The following PI4KA variants were observed in gnomAD, a reference collection of about 807,000 sequenced individuals.
PI4KA encodes the protein phosphatidylinositol 4-kinase alpha.
In PI4KA, 122 loss-of-function variants were observed where a neutral mutation model predicts 271.4. That is an observed-to-expected ratio of 0.45 (90% confidence interval 0.39 to 0.52). PI4KA has a LOEUF of 0.52. Among genes scored for constraint, PI4KA ranks in the 20% least tolerant of loss-of-function variants. PI4KA has a pLI of 0.00. For synonymous variants in PI4KA, 1,041 were observed against 1,078.8 expected (o/e 0.96, Z 0.69); for missense variants, 1,969 against 2,769.1 (o/e 0.71, Z 6.48).
At chr22:20,770,587 C>CGG (rs1569011751) in intron 19 of PI4KA, among the ~76,000 whole-genome samples, 1 of 71,248 alleles carries the variant, frequency 1.4e-5, no homozygotes, top group Non-Finnish European at 2.7e-5. Context: ...CGGACACACA[C>CGG]ACACACACAC....
intron 22 of PI4KA, 36 bp downstream of exon 22, chr22:20,764,781 G>T: frequency 1.9e-6 from 3 of 1,559,710 alleles, no homozygotes; most frequent in Non-Finnish European, 2.6e-6. Flanking sequence ...GCTCAAATGT[G>T]GATGTGCATG....
intron 36 of PI4KA, among the ~76,000 whole-genome samples, chr22:20,731,651 C>T (rs1408355751): frequency 4.6e-5 from 7 of 152,258 alleles, no homozygotes; most frequent in South Asian, 4.1e-4. Context: ...AAAAATTGGC[C>T]GGGCACGGTG....
At chr22:20,730,820 T>C (rs897076302) in intron 36 of PI4KA, among the ~76,000 whole-genome samples, 1 of 152,108 alleles carries the variant, frequency 6.6e-6, no homozygotes, top group African/African-American at 2.4e-5. Context: ...TCCACCTGCC[T>C]TGGCCTCCCA....
At chr22:20,746,415 C>T (rs761948826) in intron 29 of PI4KA, among the ~76,000 whole-genome samples, 36 of 152,284 alleles carry the variant, frequency 2.4e-4, no homozygotes, top group South Asian at 2.1e-3. Context: ...ACCTAACTTA[C>T]ATCAAATTTT....
intron 19 of PI4KA, among the ~76,000 whole-genome samples, chr22:20,767,443 CAA>C (rs544560327): frequency 3.0e-5 from 4 of 133,022 alleles, no homozygotes; most frequent in African/African-American, 2.7e-5. Context: ...GACTCTGTCT[CAA>C]AAAAAAAAAA....
intron 14 of PI4KA, among the ~76,000 whole-genome samples, chr22:20,800,102 T>G (rs361556): frequency 0.5 from 75,135 of 151,584 alleles, 19,145 homozygotes; most frequent in African/African-American, 0.6. Flanking sequence ...CAAGATAGCA[T>G]AGTAAACATC....
chr22:20,730,033 A>T (rs199676673), intron 36 of PI4KA, 22 bp from the exon 37 acceptor site: 54 of 1,612,208 alleles, frequency 3.3e-5, no homozygotes, highest in Non-Finnish European at 6.8e-6. Context: ...CACATTGTTG[A>T]TTCTAGAGTG....
chr22:20,773,511 C>T (rs1362956047), intron 19 of PI4KA, among the ~76,000 whole-genome samples: 2 of 152,224 alleles, frequency 1.3e-5, no homozygotes, highest in Non-Finnish European at 2.9e-5. Context: ...CTATCTGTCC[C>T]ACAACAGACA....
intron 32 of PI4KA, among the ~76,000 whole-genome samples, chr22:20,734,852 T>C (rs1466855553): frequency 6.6e-6 from 1 of 152,048 alleles, no homozygotes; most frequent in African/African-American, 2.4e-5. Flanking sequence ...TGACAGGCAC[T>C]GGGTAGGTGA....
Position 20,729,293 on chromosome 22 carries a change from T to G in PI4KA, c.4682+20A>C, listed in dbSNP as rs1927723329. On this transcript the variant is annotated intron_variant, in intron 39 of 54. Coordinates refer to ENST00000255882, the MANE Select transcript of PI4KA (RefSeq NM_058004.4). Reference sequence around the variant, plus strand: ...ACCTCTGGTGAGGCCTGTGTCAGGCTGTGGTGCCCGGGGGCCCACCTGGCA... The same window carrying G: ...ACCTCTGGTGAGGCCTGTGTCAGGCGGTGGTGCCCGGGGGCCCACCTGGCA... 4 of 1,605,744 alleles carry G rather than the reference T, an allele frequency of 2.5e-6. No homozygotes were observed. Among genetic ancestry groups the G allele is most frequent in the Non-Finnish European group, 3.4e-6 (4 of 1,175,720 alleles).
At chr22:20,847,976 G>A (rs1293963778) in intron 1 of PI4KA, among the ~76,000 whole-genome samples, 1 of 152,044 alleles carries the variant, frequency 6.6e-6, no homozygotes, top group African/African-American at 2.4e-5. Flanking sequence ...AGTGGCTCAC[G>A]CCTATAATCC....
At chr22:20,851,185 C>A (rs1926922728) in intron 1 of PI4KA, among the ~76,000 whole-genome samples, 1 of 102,164 alleles carries the variant, frequency 9.8e-6, no homozygotes. Flanking sequence ...CACAGTGAGA[C>A]CCTATCTATT....
chr22:20,726,552 G>T lies in PI4KA; in HGVS notation c.4942-11C>A. On this transcript the variant is annotated splice_polypyrimidine_tract_variant and intron_variant, in intron 41 of 54. Coordinates refer to ENST00000255882, the MANE Select transcript of PI4KA (RefSeq NM_058004.4). ...GAAGAGGATGGCGTCCTGTGGAGGT[G>T]GAGCAGAGTTGGCCATGACTTCTGA... 6.3e-7 allele frequency: 1 copy of T among 1,585,212 alleles called. No individual in the cohort carries two copies. Among genetic ancestry groups the T allele is most frequent in the South Asian group, 1.2e-5 (1 of 85,906 alleles).
At position 20,729,415 on chromosome 22, in the gene PI4KA, T is replaced by G. The variant is rs141277380; in HGVS notation, c.4580A>C (p.Asn1527Thr). 70 of 1,613,718 alleles carry G rather than the reference T, an allele frequency of 4.3e-5. No individual in the cohort carries two copies. Among genetic ancestry groups the G allele is most frequent in the Non-Finnish European group, 5.8e-5 (68 of 1,179,854 alleles). Residue 1527 changes from asparagine to threonine, a missense_variant, in exon 39 of 55, where the codon AAC (asparagine) becomes ACC (threonine). Asn to Thr is a moderately conservative substitution (Grantham distance 65). This residue lies in a region of PI4KA where 388 missense variants were observed against 521.5 expected (regional missense o/e 0.74). Coordinates refer to ENST00000255882, the MANE Select transcript of PI4KA (RefSeq NM_058004.4). ...CAGGCTGATGTACTTAGATCTCCAG[T>G]TGGCCACGCTGTTCTCTCCGGCCTG... is the stretch of plus-strand genomic sequence containing the variant. ...LDQAGENSVANWRSKYISLSE... is the reference protein window; with the variant it reads ...LDQAGENSVATWRSKYISLSE...
At chr22:20,727,485 T>C in intron 40 of PI4KA, 88 bp from the exon 41 acceptor site, 4 of 1,232,576 alleles carry the variant, frequency 3.2e-6, no homozygotes, top group Non-Finnish European at 3.3e-6. Flanking sequence ...AGGACGGCCA[T>C]GAGAAGTGAT....
chr22:20,830,324 C>T (rs137972191), intron 3 of PI4KA, among the ~76,000 whole-genome samples: 61 of 148,276 alleles, frequency 4.1e-4, no homozygotes, highest in African/African-American at 1.4e-3. Flanking sequence ...CTTCCGTGTT[C>T]GATATGTATA....
At chr22:20,854,717 GAA>G (rs1374511542) in intron 1 of PI4KA, among the ~76,000 whole-genome samples, 1 of 151,968 alleles carries the variant, frequency 6.6e-6, no homozygotes, top group Non-Finnish European at 1.5e-5. Flanking sequence ...CAGGAAGAAA[GAA>G]GAGAAAAAAA....
intron 44 of PI4KA, among the ~76,000 whole-genome samples, chr22:20,718,223 C>G (rs1157426625): frequency 6.6e-6 from 1 of 152,190 alleles, no homozygotes; most frequent in Non-Finnish European, 1.5e-5. Context: ...ATTGATGACT[C>G]CAGGGTTTCA....
Position 20,799,192 on chromosome 22 carries a change from C to G in PI4KA, c.1905G>C (p.Glu635Asp). The part of the protein sequence containing the change: ...VALRDTPKVM[E>D]PILQILQQKF... ...TCTGCTGTAGGATCTGCAGAATGGGCTCCATGACCTTCGGGGTGTCCCTCA... is the reference window on the plus strand; with the variant it reads ...TCTGCTGTAGGATCTGCAGAATGGGGTCCATGACCTTCGGGGTGTCCCTCA... Residue 635 changes from glutamate (E) to aspartate (D), a missense_variant, in exon 16 of 55, where the codon GAG (glutamate) becomes GAC (aspartate). Glu to Asp is a conservative substitution (Grantham distance 45, BLOSUM62 2). Around this residue, in one of 13 missense-constraint regions of PI4KA, gnomAD observed 228 missense variants for 261.6 expected, o/e 0.87. Transcript: ENST00000255882. The G allele has an allele frequency of 4.4e-6, 7 of 1,602,696 alleles. No homozygotes were observed. Among genetic ancestry groups the G allele is most frequent in the Non-Finnish European group, 6.0e-6 (7 of 1,174,430 alleles).
Sources: gnomAD v4.1 joint callset for allele counts (sites outside exome capture counted in the v4.1 genomes callset) on GRCh38, gnomAD v4.1.1 for gene constraint, gnomAD v4.1.1 regional missense constraint, MANE v1.5 for transcripts, NCBI Gene and HGNC (gene_info 2026-07-23, HGNC 2026-07-21) for gene names.